Variants in TENM2 observed in about 807,000 individuals in gnomAD.
The protein encoded by TENM2 is teneurin-2.
A neutral mutation model predicts 245.2 loss-of-function variants in TENM2; 52 were observed. The observed-to-expected ratio is 0.21, with a 90% CI of 0.17 to 0.27. The LOEUF is 0.27. Ranked by LOEUF, TENM2 falls within the 10% of genes least tolerant of loss-of-function variation. TENM2 has a pLI of 1.00. For missense variants in TENM2, 3,046 were observed against 3,666.8 expected (o/e 0.83, Z 4.37); for synonymous variants, 1,363 against 1,438.9 (o/e 0.95, Z 1.19).
At chr5:167,380,528 AG>A (rs776054302) in intron 2 of TENM2, among the ~76,000 whole-genome samples, 2 of 152,158 alleles carry the variant, frequency 1.3e-5, no homozygotes, top group Non-Finnish European at 2.9e-5. Context: ...CATGGTCTTT[AG>A]TTATTTATAT....
chr5:168,098,800 G>A (rs1192424976), intron 9 of TENM2, among the ~76,000 whole-genome samples: 1 of 151,976 alleles, frequency 6.6e-6, no homozygotes, highest in Non-Finnish European at 1.5e-5. Flanking sequence ...CACAGACACA[G>A]ATACACAGAC....
intron 3 of TENM2, among the ~76,000 whole-genome samples, chr5:167,896,139 T>A (rs1775202065): frequency 6.6e-6 from 1 of 152,214 alleles, no homozygotes; most frequent in South Asian, 2.1e-4. Flanking sequence ...CCTCCCCACC[T>A]GGGCTAGAGC....
chr5:167,321,823 GGT>G (rs1395451855), intron 1 of TENM2, among the ~76,000 whole-genome samples: 15 of 50,226 alleles, frequency 3.0e-4, no homozygotes, highest in African/African-American at 9.6e-4. Context: ...CGGGGGGGGG[GGT>G]GGATGGAGTC....
chr5:167,764,835 A>T (rs917003306), intron 2 of TENM2, among the ~76,000 whole-genome samples: 6 of 152,076 alleles, frequency 3.9e-5, no homozygotes, highest in Non-Finnish European at 8.8e-5. Context: ...GCTTTGATGG[A>T]TGGAGCTGAC....
chr5:167,590,747 T>G (rs995326833), intron 2 of TENM2, among the ~76,000 whole-genome samples: 8 of 152,118 alleles, frequency 5.3e-5, no homozygotes, highest in Admixed American at 3.9e-4. Flanking sequence ...GTTTCTTTGC[T>G]CTCCAATAAA....
At chr5:167,479,768 C>T (rs1351354920) in intron 2 of TENM2, among the ~76,000 whole-genome samples, 2 of 152,154 alleles carry the variant, frequency 1.3e-5, no homozygotes, top group Non-Finnish European at 2.9e-5. Flanking sequence ...ATTGCAAGTT[C>T]ATTCCCTGGT....
At chr5:168,037,591 A>G (rs1478997782) in intron 5 of TENM2, among the ~76,000 whole-genome samples, 2 of 136,606 alleles carry the variant, frequency 1.5e-5, no homozygotes, top group African/African-American at 2.9e-5. Flanking sequence ...TTCATGCCCT[A>G]CCTTGCAAAG....
chr5:167,385,688 C>T (rs1761387605), intron 2 of TENM2, among the ~76,000 whole-genome samples: 1 of 151,858 alleles, frequency 6.6e-6, no homozygotes, highest in South Asian at 2.1e-4. Context: ...TCCCCAAAGT[C>T]CATTGTGTCT....
chr5:167,865,524 T>G (rs1334522299), intron 2 of TENM2, among the ~76,000 whole-genome samples: 1 of 152,170 alleles, frequency 6.6e-6, no homozygotes, highest in African/African-American at 2.4e-5. Flanking sequence ...TCCTCCTGCC[T>G]TGGCCTCCCA....
At chr5:167,483,384 C>G (rs1432610958) in intron 2 of TENM2, among the ~76,000 whole-genome samples, 1 of 152,098 alleles carries the variant, frequency 6.6e-6, no homozygotes, top group African/African-American at 2.4e-5. Flanking sequence ...ATGAATGGAC[C>G]ATGCAGAAAC....
the TENM2 span, among the ~76,000 whole-genome samples, chr5:167,035,311 G>A: frequency 6.6e-6 from 1 of 152,096 alleles, no homozygotes; most frequent in Admixed American, 6.5e-5. Context: ...TTGGTTTGAT[G>A]CTATTAGATG....
Position 167,363,922 on chromosome 5 carries a change from T to C in TENM2, c.227-11276T>C, listed in dbSNP as rs371641868. Among the ~76,000 whole-genome samples the C allele has an allele frequency of 2.3e-4, 35 of 152,034 alleles. No homozygotes were observed. The East Asian group carries it at 5.6e-3, about 24-fold the overall frequency. ...CAACAATTGAAAAGCAATATCAGTT[T>C]TATAAATGAAATGCAAATTGTTGAA... On this transcript the variant is annotated intron_variant, in intron 1 of 28. Coordinates refer to ENST00000518659, the Ensembl canonical transcript of TENM2.
the TENM2 span, among the ~76,000 whole-genome samples, chr5:167,145,869 G>A: frequency 6.6e-6 from 1 of 152,102 alleles, no homozygotes; most frequent in Admixed American, 6.5e-5. Context: ...TAGACAATGG[G>A]CACCACTTGT....
chr5:168,100,720 A>G (rs1793740567), intron 9 of TENM2, among the ~76,000 whole-genome samples: 1 of 152,014 alleles, frequency 6.6e-6, no homozygotes, highest in South Asian at 2.1e-4. Flanking sequence ...AACATCACAC[A>G]GTGAGGCCTG....
intron 1 of TENM2, among the ~76,000 whole-genome samples, chr5:167,305,316 A>G (rs1755606616): frequency 6.6e-6 from 1 of 152,184 alleles, no homozygotes; most frequent in Non-Finnish European, 1.5e-5. Context: ...GTCACAGTGT[A>G]TTTTTAGCCA....
chr5:167,452,630 A>T (rs1765651139), intron 2 of TENM2, among the ~76,000 whole-genome samples: 4 of 151,970 alleles, frequency 2.6e-5, no homozygotes, highest in Admixed American at 1.3e-4. Flanking sequence ...GAGAACAAGA[A>T]TGCATGGTTG....
At chr5:167,353,701 G>T (rs569899760) in intron 1 of TENM2, among the ~76,000 whole-genome samples, 21 of 151,580 alleles carry the variant, frequency 1.4e-4, no homozygotes, top group East Asian at 3.9e-4. Context: ...TAGAGACGGG[G>T]TTTCACCGTT....
rs145615542 is a variant in TENM2, at chr5:167,292,158, A to G, written c.226+7095A>G. ...TCCCACCAGGTCCCTCCCATCACAC[A>G]TGGGGATTATGGGAGCTACAATTCA... On this transcript the variant is annotated intron_variant, in intron 1 of 28. Coordinates refer to ENST00000518659, the Ensembl canonical transcript of TENM2. 6.9e-3 allele frequency among the ~76,000 whole-genome samples: 1,051 copies of G among 152,244 alleles called. 33 individuals are homozygous for G. The East Asian group carries it at 0.11, about 15-fold the overall frequency.
chr5:167,914,411 T>A (rs1331391363), intron 3 of TENM2, among the ~76,000 whole-genome samples: 1 of 152,146 alleles, frequency 6.6e-6, no homozygotes, highest in Non-Finnish European at 1.5e-5. Flanking sequence ...GTCTTTCTCA[T>A]GCTCCTGTCT....
Sources: gnomAD v4.1 joint callset for allele counts (sites outside exome capture counted in the v4.1 genomes callset) on GRCh38, gnomAD v4.1.1 for gene constraint, MANE v1.5 for transcripts, NCBI Gene and HGNC (gene_info 2026-07-23, HGNC 2026-07-21) for gene names.